GFM1: variants seen among roughly 807,000 people sequenced by gnomAD.
GFM1 encodes G elongation factor mitochondrial 1, also known as elongation factor G, mitochondrial.
In GFM1, 62 loss-of-function variants were observed where a neutral mutation model predicts 96.2. The ratio of observed to expected loss-of-function variants is 0.64; its 90% confidence interval spans 0.53 to 0.80. The LOEUF (loss-of-function observed/expected upper bound fraction) is 0.80, where lower values mean the gene tolerates loss of function less well. Among genes scored for constraint, GFM1 ranks in the 30% least tolerant of loss-of-function variants. GFM1 has a pLI of 0.00. For synonymous variants in GFM1, 282 were observed against 312.9 expected (o/e 0.90, Z 1.04); for missense variants, 852 against 916.6 (o/e 0.93, Z 0.91).
chr3:158,647,324 A>G (rs1460823568), intron 4 of GFM1, among the ~76,000 whole-genome samples: 1 of 152,228 alleles, frequency 6.6e-6, no homozygotes, highest in African/African-American at 2.4e-5. Flanking sequence ...AAGCATTTTA[A>G]TTAATGCCCT....
intron 8 of GFM1, among the ~76,000 whole-genome samples, chr3:158,658,579 T>G (rs1722949507): frequency 6.6e-6 from 1 of 152,234 alleles, no homozygotes; most frequent in Admixed American, 6.5e-5. Flanking sequence ...GTATACCTTT[T>G]TTTTGTTTTA....
Position 158,645,700 on chromosome 3 carries a change from C to G in GFM1, c.153C>G (p.Ile51Met), listed in dbSNP as rs1382717856. The change falls in exon 2 of 18, where the codon ATC (isoleucine) becomes ATG (methionine). Residue 51 changes from isoleucine (I) to methionine (M), a missense_variant. Ile to Met is a conservative substitution (Grantham distance 10). Transcript: ENST00000486715. ...ATGAAAAAATACGAAATATTGGAATCTCAGCTCACATTGATTCTGGGAAAA... is the reference window on the plus strand; with the variant it reads ...ATGAAAAAATACGAAATATTGGAATGTCAGCTCACATTGATTCTGGGAAAA... ...IPNEKIRNIG[I>M]SAHIDSGKTT... is the part of the protein sequence containing the mutation. 1.9e-6 allele frequency: 3 copies of G among 1,610,836 alleles called. No homozygotes were observed. Among genetic ancestry groups the G allele is most frequent in the Non-Finnish European group, 2.5e-6 (3 of 1,177,100 alleles).
intron 11 of GFM1, among the ~76,000 whole-genome samples, chr3:158,664,674 T>C (rs1198867206): frequency 6.6e-6 from 1 of 152,226 alleles, no homozygotes; most frequent in Non-Finnish European, 1.5e-5. Context: ...TGTATCCACC[T>C]AGATAATTGA....
chr3:158,649,902 T>C, intron 5 of GFM1: 2 of 965,136 alleles, frequency 2.1e-6, no homozygotes, highest in South Asian at 2.8e-5. Flanking sequence ...CTTACAGGTC[T>C]GCAGACCACA....
intron 9 of GFM1, 193 bp from the exon 10 acceptor site, chr3:158,660,679 GAA>G: frequency 1.7e-6 from 1 of 595,444 alleles, no homozygotes; most frequent in East Asian, 2.9e-5. Context: ...TGGTTTAAAT[GAA>G]GGCCTTTTAA....
chr3:158,644,656 G>A lies in GFM1; in HGVS notation c.22G>A (p.Ala8Thr), dbSNP rs745704169. 1 of 1,574,910 alleles carries A rather than the reference G, an allele frequency of 6.3e-7. No homozygotes were observed. Residue 8 changes from alanine to threonine, a missense_variant, in exon 1 of 18, where the codon GCC becomes ACC. By Grantham distance (58) the Ala-to-Thr change is moderately conservative. Coordinates refer to ENST00000486715, the MANE Select transcript of GFM1 (RefSeq NM_024996.7). MRLLGAA[A>T]VAALGRGRAP... ...TGCCATGAGACTCCTGGGAGCTGCA[G>A]CCGTCGCGGCTCTGGGGCGCGGAAG... is the stretch of plus-strand genomic sequence containing the variant.
Position 158,653,417 on chromosome 3 carries a change from C to T in GFM1, c.948C>T (p.Tyr316=), listed in dbSNP as rs1560130647. 6 of 1,613,078 alleles carry T rather than the reference C, an allele frequency of 3.7e-6. No individual in the cohort carries two copies. The highest frequency in any genetic ancestry group is 1.7e-4 in the Middle Eastern group (1 of 6,058). ...VQPLLDAVLE[Y]LPNPSEVQNY... is the part of the protein sequence containing the mutation. ...CTCTTTTAGATGCTGTTTTAGAATACCTCCCAAATCCATCTGAAGTCCAGA... is the reference window on the plus strand; with the variant it reads ...CTCTTTTAGATGCTGTTTTAGAATATCTCCCAAATCCATCTGAAGTCCAGA... Residue 316 remains tyrosine, a synonymous_variant, in exon 7 of 18, where the codon TAC becomes TAT. Transcript: ENST00000486715.
At chr3:158,657,266 T>C (rs1722844128) in intron 8 of GFM1, 1 of 151,298 alleles carries the variant, frequency 6.6e-6, no homozygotes. Flanking sequence ...CACATAAAGC[T>C]TTTAAAAATA....
At chr3:158,671,127 A>C in intron 13 of GFM1, 1 of 1,294,732 alleles carries the variant, frequency 7.7e-7, no homozygotes, top group Non-Finnish European at 1.0e-6. Flanking sequence ...CTGAAGGGGA[A>C]TGGTGAAAGC....
chr3:158,669,378 G>C, intron 13 of GFM1: 7 of 1,504,982 alleles, frequency 4.7e-6, no homozygotes, highest in Admixed American at 2.0e-5. Flanking sequence ...ACAGATAATT[G>C]AGATTGATTT....
At chr3:158,673,568 A>G (rs1458127600) in intron 13 of GFM1, among the ~76,000 whole-genome samples, 60 of 139,856 alleles carry the variant, frequency 4.3e-4, no homozygotes, top group African/African-American at 1.5e-3. Flanking sequence ...CTGGAGTGCA[A>G]TGGTGCTATC....
At chr3:158,684,775 A>C (rs531959293) in intron 15 of GFM1, 107 bp downstream of exon 15, 6 of 1,166,568 alleles carry the variant, frequency 5.1e-6, no homozygotes, top group Non-Finnish European at 7.6e-6. Context: ...ACTAGGCTCC[A>C]CAGGGAATAT....
chr3:158,671,065 C>T, intron 13 of GFM1: 1 of 1,440,822 alleles, frequency 6.9e-7, no homozygotes, highest in South Asian at 1.6e-5. Flanking sequence ...ATTATAACAA[C>T]ATTATACTTG....
chr3:158,666,932 AAATT>A, intron 13 of GFM1: 1 of 1,534,250 alleles, frequency 6.5e-7, no homozygotes, highest in Non-Finnish European at 8.7e-7. Flanking sequence ...TTTAGAGTCA[AAATT>A]AATAAAGCAT....
intron 14 of GFM1, among the ~76,000 whole-genome samples, chr3:158,683,231 C>T (rs542097617): frequency 2.6e-4 from 39 of 152,202 alleles, no homozygotes; most frequent in South Asian, 6.2e-4. Flanking sequence ...ATTCTTATAT[C>T]CACTAAGATT....
At chr3:158,669,456 G>C (rs1350603791) in intron 13 of GFM1, 3 of 1,612,674 alleles carry the variant, frequency 1.9e-6, no homozygotes, top group Admixed American at 3.4e-5. Flanking sequence ...TGCTTCTAGC[G>C]GTTCCTTCAT....
chr3:158,666,843 A>G lies in GFM1; in HGVS notation c.1601+457A>G. ...TGTTAGAGATAAAACAGTCTTCACA[A>G]AGAATAGTACTTTTGTTAAATTGCT... is the stretch of plus-strand genomic sequence containing the variant. On this transcript the variant is annotated intron_variant, in intron 13 of 17. Transcript: ENST00000486715. 3 of 1,431,836 alleles carry G rather than the reference A, an allele frequency of 2.1e-6. No individual in the cohort carries two copies. The East Asian group carries it at 7.1e-5, about 34-fold the overall frequency. 88.7% of individuals were successfully genotyped at this position (1,431,836 alleles called of 1,614,324 possible). A position where few individuals can be genotyped will look rare whatever the true frequency, so the allele number is the denominator to read the frequency against.
intron 13 of GFM1, among the ~76,000 whole-genome samples, chr3:158,671,338 C>T (rs865815829): frequency 6.6e-6 from 1 of 152,130 alleles, no homozygotes; most frequent in African/African-American, 2.4e-5. Context: ...TTTGAAACAG[C>T]GTTTAATTCT....
At chr3:158,683,036 GAA>G (rs1394390389) in intron 14 of GFM1, among the ~76,000 whole-genome samples, 7 of 95,980 alleles carry the variant, frequency 7.3e-5, no homozygotes, top group Non-Finnish European at 6.7e-5. Context: ...CTCCAAAATG[GAA>G]AAAAAAAAAA....
Sources: gnomAD v4.1 joint callset for allele counts (sites outside exome capture counted in the v4.1 genomes callset) on GRCh38, gnomAD v4.1.1 for gene constraint, MANE v1.5 for transcripts, NCBI Gene and HGNC (gene_info 2026-07-23, HGNC 2026-07-21) for gene names.